Variants in CCDC91 observed in about 807,000 individuals in gnomAD.
CCDC91 encodes the protein coiled-coil domain-containing protein 91.
A neutral mutation model predicts 63.2 loss-of-function variants in CCDC91; 48 were observed. That is an observed-to-expected ratio of 0.76 (90% CI 0.60 to 0.97). The LOEUF (loss-of-function observed/expected upper bound fraction) is 0.97, where lower values mean the gene tolerates loss of function less well. CCDC91 is among the 50% of genes least tolerant of loss of function. The pLI, the probability that CCDC91 is intolerant of heterozygous loss-of-function variation, is 0.00. For synonymous variants in CCDC91, 167 were observed against 165.8 expected (o/e 1.01, Z -0.06); for missense variants, 500 against 494.6 (o/e 1.01, Z -0.10).
chr12:28,477,432 A>G (rs1207217548), intron 11 of CCDC91, among the ~76,000 whole-genome samples: 2 of 152,176 alleles, frequency 1.3e-5, no homozygotes, highest in Non-Finnish European at 2.9e-5. Flanking sequence ...CTTCATGCTA[A>G]AAACTCTCAA....
chr12:28,200,848 C>A (rs1376268205), intron 1 of CCDC91, among the ~76,000 whole-genome samples: 1 of 151,634 alleles, frequency 6.6e-6, no homozygotes, highest in African/African-American at 2.4e-5. Context: ...CCAGTAGGGG[C>A]GGCTGGGCAG....
intron 3 of CCDC91, among the ~76,000 whole-genome samples, chr12:28,291,980 TGCACTGTAC>T (rs1475922561): frequency 1.3e-5 from 2 of 152,212 alleles, no homozygotes; most frequent in Non-Finnish European, 2.9e-5. Context: ...GAACCACCAA[TGCACTGTAC>T]GTTTATTAGC....
intron 8 of CCDC91, among the ~76,000 whole-genome samples, chr12:28,411,431 C>T (rs756504615): frequency 1.4e-4 from 22 of 152,184 alleles, no homozygotes; most frequent in South Asian, 6.2e-4. Context: ...ATCTTATAGA[C>T]GGTGTCAAGA....
chr12:28,388,242 C>G (rs764882059), intron 7 of CCDC91, among the ~76,000 whole-genome samples: 1 of 151,630 alleles, frequency 6.6e-6, no homozygotes, highest in Non-Finnish European at 1.5e-5. Context: ...TTTTTTCTTG[C>G]TGTTGTAAGT....
chr12:28,306,027 A>C (rs1592260523), intron 4 of CCDC91, among the ~76,000 whole-genome samples: 1 of 152,118 alleles, frequency 6.6e-6, no homozygotes. Flanking sequence ...CTTAGTTACC[A>C]AAGTATGATT....
intron 12 of CCDC91, among the ~76,000 whole-genome samples, chr12:28,485,364 C>T (rs1229107183): frequency 2.0e-5 from 3 of 151,912 alleles, no homozygotes; most frequent in African/African-American, 7.3e-5. Context: ...TGGGGTTTCA[C>T]CATGTTGTCC....
chr12:28,519,873 T>A (rs1285889755), intron 12 of CCDC91, among the ~76,000 whole-genome samples: 1 of 151,934 alleles, frequency 6.6e-6, no homozygotes, highest in Non-Finnish European at 1.5e-5. Flanking sequence ...ACCAGCTTCA[T>A]CCATGTCCCA....
intron 11 of CCDC91, among the ~76,000 whole-genome samples, chr12:28,458,234 A>C (rs1950140924): frequency 6.6e-6 from 1 of 152,066 alleles, no homozygotes; most frequent in Non-Finnish European, 1.5e-5. Context: ...CTTTGATAAT[A>C]ATCTAGATGA....
At chr12:28,365,377 G>C (rs1944207570) in intron 7 of CCDC91, among the ~76,000 whole-genome samples, 1 of 152,050 alleles carries the variant, frequency 6.6e-6, no homozygotes, top group African/African-American at 2.4e-5. Context: ...ACCAAAAAAT[G>C]ATTTAAAAAC....
intron 8 of CCDC91, among the ~76,000 whole-genome samples, chr12:28,445,546 T>G (rs1192214186): frequency 2.6e-5 from 4 of 152,198 alleles, no homozygotes; most frequent in Non-Finnish European, 2.9e-5. Flanking sequence ...ATACAAGCAC[T>G]AGGTGCTGTA....
intron 6 of CCDC91, among the ~76,000 whole-genome samples, chr12:28,335,109 T>C (rs1308055552): frequency 2.8e-5 from 4 of 143,482 alleles, no homozygotes; most frequent in Non-Finnish European, 6.1e-5. Context: ...AATATAAATA[T>C]ACATTTATAT....
intron 12 of CCDC91, among the ~76,000 whole-genome samples, chr12:28,516,464 A>G (rs1406158075): frequency 6.6e-6 from 1 of 151,850 alleles, no homozygotes; most frequent in African/African-American, 2.4e-5. Context: ...TTAGTTGGGC[A>G]TAGTGGCATG....
chr12:28,334,899 C>G (rs1037255387), intron 6 of CCDC91, among the ~76,000 whole-genome samples: 3 of 151,370 alleles, frequency 2.0e-5, no homozygotes, highest in African/African-American at 4.9e-5. Flanking sequence ...ATAGCCTGTT[C>G]GTTTCATCAG....
chr12:28,520,640 C>T (rs1940526078), intron 12 of CCDC91, among the ~76,000 whole-genome samples: 1 of 152,100 alleles, frequency 6.6e-6, no homozygotes, highest in African/African-American at 2.4e-5. Context: ...ACATGAAGTC[C>T]TTGCCCATGC....
intron 12 of CCDC91, among the ~76,000 whole-genome samples, chr12:28,507,446 A>G: frequency 6.6e-6 from 1 of 152,022 alleles, no homozygotes; most frequent in Non-Finnish European, 1.5e-5. Flanking sequence ...AGCTGACTTC[A>G]AAATCACTGC....
chr12:28,214,397 G>T (rs1943433673), intron 1 of CCDC91, among the ~76,000 whole-genome samples: 1 of 152,078 alleles, frequency 6.6e-6, no homozygotes, highest in East Asian at 1.9e-4. Flanking sequence ...CTATGATCCA[G>T]ATCCTTCAGG....
intron 12 of CCDC91, among the ~76,000 whole-genome samples, chr12:28,499,355 T>TTTCTATTA (rs60024235): frequency 4.6e-5 from 7 of 151,002 alleles, no homozygotes; most frequent in Non-Finnish European, 8.9e-5. Flanking sequence ...GCACCTCACT[T>TTTCTATTA]TTATTATTAT....
chr12:28,419,477 A>G (rs192555025), intron 8 of CCDC91, among the ~76,000 whole-genome samples: 4 of 152,196 alleles, frequency 2.6e-5, no homozygotes, highest in African/African-American at 9.6e-5. Flanking sequence ...ATATAAACCA[A>G]TAAATCTTTT....
chr12:28,367,722 T>A (rs756458205), intron 7 of CCDC91, among the ~76,000 whole-genome samples: 10 of 152,162 alleles, frequency 6.6e-5, no homozygotes, highest in Admixed American at 6.5e-4. Context: ...TGCATCAGCT[T>A]GACTGGGCAA....
Sources: allele counts gnomAD v4.1 joint callset (sites outside exome capture counted in the v4.1 genomes callset), GRCh38; gene constraint gnomAD v4.1.1; transcripts MANE v1.5; gene names NCBI Gene and HGNC (gene_info 2026-07-23, HGNC 2026-07-21).